The following CORO1C variants were observed in gnomAD, a reference collection of about 807,000 sequenced individuals.
CORO1C encodes the protein coronin 1C, also known as coronin-1C.
In CORO1C, 14 loss-of-function variants were observed where a neutral mutation model predicts 51.2. That is an observed-to-expected ratio of 0.27 (90% CI 0.18 to 0.43). The LOEUF is 0.43. CORO1C is among the 20% of genes least tolerant of loss of function. The probability of loss-of-function intolerance (pLI) is 1.00; values close to 1 mark genes in which losing one functional copy is unlikely to be tolerated. For missense variants in CORO1C, 417 were observed against 607.8 expected, an observed-to-expected ratio of 0.69 and a Z score of 3.30; for synonymous variants, 181 against 210.5, an observed-to-expected ratio of 0.86 and a Z score of 1.21.
chr12:108,719,708 C>T (rs1367831920), intron 1 of CORO1C, among the ~76,000 whole-genome samples: 1 of 152,086 alleles, frequency 6.6e-6, no homozygotes, highest in African/African-American at 2.4e-5. Flanking sequence ...TATTTAATGA[C>T]AATAGCGCAT....
intron 2 of CORO1C, among the ~76,000 whole-genome samples, chr12:108,696,673 T>C (rs1381978468): frequency 6.6e-6 from 1 of 152,208 alleles, no homozygotes; most frequent in African/African-American, 2.4e-5. Context: ...CAAAGCCAAC[T>C]TATGTTCAGC....
In CORO1C at chr12:108,646,969, G is replaced by A; in HGVS notation, c.*434C>T. ...GTAGCAAAATACAAAGGAAAACAAAGCTACTTTTGGTTTTGGCAACATTAA... is the reference window on the plus strand; with the variant it reads ...GTAGCAAAATACAAAGGAAAACAAAACTACTTTTGGTTTTGGCAACATTAA... On this transcript the variant is annotated 3_prime_UTR_variant, in exon 11 of 11. Transcript: ENST00000261401. 6.5e-6 allele frequency: 1 copy of A among 153,536 alleles called. No individual in the cohort carries two copies. Among genetic ancestry groups the A allele is most frequent in the Non-Finnish European group, 1.4e-5 (1 of 69,242 alleles). 9.5% of individuals were successfully genotyped at this position (153,536 alleles called of 1,614,324 possible). A position where few individuals can be genotyped will look rare whatever the true frequency, so the allele number is the denominator to read the frequency against.
intron 6 of CORO1C, among the ~76,000 whole-genome samples, chr12:108,655,765 C>T (rs980087271): frequency 1.3e-5 from 2 of 152,244 alleles, no homozygotes; most frequent in Non-Finnish European, 2.9e-5. Flanking sequence ...CTTGGCCTCC[C>T]AAAGTGCCCA....
intron 3 of CORO1C, among the ~76,000 whole-genome samples, chr12:108,667,368 T>C (rs1040818304): frequency 1.3e-5 from 2 of 152,222 alleles, no homozygotes; most frequent in African/African-American, 4.8e-5. Context: ...TACAGACTGG[T>C]ACTGTAATAC....
At chr12:108,690,629 T>C (rs78566873) in intron 2 of CORO1C, among the ~76,000 whole-genome samples, 74 of 152,354 alleles carry the variant, frequency 4.9e-4, no homozygotes, top group Admixed American at 4.0e-3. Flanking sequence ...AAATATGCGA[T>C]AGCAACCAGA....
intron 4 of CORO1C, among the ~76,000 whole-genome samples, chr12:108,660,223 G>C (rs550100619): frequency 1.3e-5 from 2 of 152,238 alleles, no homozygotes; most frequent in Admixed American, 1.3e-4. Context: ...AGGCCGAGGC[G>C]GGCAGATCAC....
At chr12:108,685,046 G>A (rs571406296) in intron 2 of CORO1C, among the ~76,000 whole-genome samples, 2 of 152,146 alleles carry the variant, frequency 1.3e-5, no homozygotes, top group South Asian at 4.1e-4. Context: ...TTCCAATCTG[G>A]GCTAAGAAGC....
intron 1 of CORO1C, among the ~76,000 whole-genome samples, chr12:108,716,490 T>C (rs1452119022): frequency 6.6e-6 from 1 of 152,188 alleles, no homozygotes; most frequent in Non-Finnish European, 1.5e-5. Context: ...TTTTAACCCA[T>C]ACCTTGGGCA....
At chr12:108,711,505 C>T (rs1049107703) in intron 1 of CORO1C, among the ~76,000 whole-genome samples, 3 of 152,038 alleles carry the variant, frequency 2.0e-5, no homozygotes, top group African/African-American at 7.2e-5. Flanking sequence ...CATGGCAAAA[C>T]CCCATGTCTA....
At chr12:108,711,084 C>T (rs1004703169) in intron 1 of CORO1C, among the ~76,000 whole-genome samples, 2 of 151,952 alleles carry the variant, frequency 1.3e-5, no homozygotes, top group African/African-American at 2.4e-5. Context: ...ATTTACATGC[C>T]AGGCACAGTG....
intron 8 of CORO1C, among the ~76,000 whole-genome samples, chr12:108,651,629 T>C (rs1402786369): frequency 6.6e-6 from 1 of 152,186 alleles, no homozygotes; most frequent in East Asian, 1.9e-4. Context: ...CTCTCCCTAC[T>C]TGCCCACCAG....
chr12:108,723,200 G>T (rs1479436577), intron 1 of CORO1C, among the ~76,000 whole-genome samples: 1 of 152,106 alleles, frequency 6.6e-6, no homozygotes, highest in African/African-American at 2.4e-5. Context: ...AAATCCCTCT[G>T]CTTAACAGAG....
intron 1 of CORO1C, among the ~76,000 whole-genome samples, chr12:108,715,844 A>G (rs2035317466): frequency 6.6e-6 from 1 of 152,036 alleles, no homozygotes; most frequent in African/African-American, 2.4e-5. Flanking sequence ...TTAAAAATTA[A>G]TCCTTGAGGC....
At chr12:108,712,933 AATC>A (rs1488178214) in intron 1 of CORO1C, among the ~76,000 whole-genome samples, 1 of 151,422 alleles carries the variant, frequency 6.6e-6, no homozygotes, top group Non-Finnish European at 1.5e-5. Flanking sequence ...AAAAAAAAAA[AATC>A]ATCATTTCCG....
intron 1 of CORO1C, among the ~76,000 whole-genome samples, chr12:108,704,664 G>T (rs1361488047): frequency 2.6e-5 from 4 of 152,194 alleles, no homozygotes; most frequent in African/African-American, 9.7e-5. Context: ...AGCTTGAAGG[G>T]CAGTGTGAGC....
Position 108,724,833 on chromosome 12 carries a change from A to G in CORO1C, c.-6+6596T>C, listed in dbSNP as rs1396119467. Among the ~76,000 whole-genome samples, 4 of 152,166 alleles carry G rather than the reference A, an allele frequency of 2.6e-5. No individual in the cohort carries two copies. The East Asian group carries it at 7.7e-4, about 29-fold the overall frequency. Reference sequence around the variant, plus strand: ...CTCTGACCTTTGCATTATATTAATTACTCATTACTGCAGCAAACGGGAGGA... The same window carrying G: ...CTCTGACCTTTGCATTATATTAATTGCTCATTACTGCAGCAAACGGGAGGA... On this transcript the variant is annotated intron_variant, in intron 1 of 10. Coordinates refer to ENST00000261401, the MANE Select transcript of CORO1C (RefSeq NM_014325.4).
intron 2 of CORO1C, among the ~76,000 whole-genome samples, chr12:108,682,684 T>C (rs1293933921): frequency 6.6e-6 from 1 of 152,186 alleles, no homozygotes; most frequent in Non-Finnish European, 1.5e-5. Flanking sequence ...CTAATGAATA[T>C]ATATAACCTT....
At chr12:108,684,564 C>T (rs992554444) in intron 2 of CORO1C, among the ~76,000 whole-genome samples, 1 of 151,522 alleles carries the variant, frequency 6.6e-6, no homozygotes, top group African/African-American at 2.4e-5. Context: ...GTTTAAGGCA[C>T]GCGAAATAAA....
At chr12:108,696,489 G>A (rs1264035456) in intron 2 of CORO1C, 1 of 152,090 alleles carries the variant, frequency 6.6e-6, no homozygotes, top group Non-Finnish European at 1.5e-5. Context: ...TTCACAATAG[G>A]GAGGGAATGT....
Sources: allele counts gnomAD v4.1 joint callset (sites outside exome capture counted in the v4.1 genomes callset), GRCh38; gene constraint gnomAD v4.1.1; transcripts MANE v1.5; gene names NCBI Gene and HGNC (gene_info 2026-07-23, HGNC 2026-07-21).